Variants in CDKL4 observed in about 807,000 individuals in gnomAD.
CDKL4 encodes the protein cyclin dependent kinase like 4, also known as cyclin-dependent kinase-like 4.
Under a neutral mutation model 42.0 loss-of-function variants are expected in CDKL4, and 44 were observed. The observed-to-expected ratio is 1.05, with a 90% confidence interval of 0.82 to 1.35. CDKL4 has a LOEUF of 1.35. Ranked by LOEUF, CDKL4 falls within the 40% of genes most tolerant of loss-of-function variation. The pLI is 0.00. For missense variants in CDKL4, 393 were observed against 369.9 expected (o/e 1.06, Z -0.51); for synonymous variants, 120 against 121.6 (o/e 0.99, Z 0.09).
chr2:39,228,641 C>T (rs894123353), intron 2 of CDKL4, among the ~76,000 whole-genome samples: 2 of 152,142 alleles, frequency 1.3e-5, no homozygotes, highest in Non-Finnish European at 2.9e-5. Context: ...GACCTCCCAA[C>T]TCAGAATCTG....
intron 5 of CDKL4, among the ~76,000 whole-genome samples, chr2:39,194,488 C>T (rs569140942): frequency 1.4e-4 from 21 of 152,188 alleles, no homozygotes; most frequent in Admixed American, 1.2e-3. Context: ...CAAACACACA[C>T]ACAAACAAAC....
rs1011188711 is a variant in CDKL4, at chr2:39,190,428, G to T, written c.529C>A (p.Gln177Lys). 6.2e-7 allele frequency: 1 copy of T among 1,613,950 alleles called. No homozygotes were observed. Among genetic ancestry groups the T allele is most frequent in the Non-Finnish European group, 8.5e-7 (1 of 1,180,018 alleles). Residue 177 changes from glutamine (Q) to lysine (K), a missense_variant, in exon 6 of 10, where the codon CAG becomes AAG. Physicochemically the swap from Gln to Lys is moderately conservative, Grantham distance 53. Transcript: ENST00000451199. ...CATATATCGACTGAAGAACCATACT[G>T]AGTATCTCCCACAAGAAGTTCAGGA...
rs375153535 is a variant in CDKL4, at chr2:39,187,748, C to T, written c.653-39G>A. The T allele has an allele frequency of 7.4e-5, 106 of 1,437,290 alleles. No individual in the cohort carries two copies. The African/African-American group carries it at 1.3e-3, about 18-fold the overall frequency. 89.0% of individuals were successfully genotyped at this position (1,437,290 alleles called of 1,614,324 possible). ...ACCACATAATTCATCATAAATTTGG[C>T]AAAGAATAATCAAGTGTTTAAATGG... On this transcript the variant is annotated intron_variant, in intron 6 of 9. Coordinates refer to ENST00000451199, the Ensembl canonical transcript of CDKL4.
rs141536525 is a variant in CDKL4 at position 39,228,825 on chromosome 2, C to T, written c.168+540G>A. Among the ~76,000 whole-genome samples the T allele has an allele frequency of 4.0e-3, 616 of 152,140 alleles. 4 individuals carry two copies. The highest frequency in any genetic ancestry group is 4.8e-3 in the Non-Finnish European group (329 of 68,006). On this transcript the variant is annotated intron_variant, in intron 2 of 9. Transcript: ENST00000451199. Reference sequence around the variant, plus strand: ...CGTAAGAAAAAATTTACATTGAGAACTTAGGAATCTTACATGTCAAATCTT... The same window carrying T: ...CGTAAGAAAAAATTTACATTGAGAATTTAGGAATCTTACATGTCAAATCTT...
Position 39,188,885 on chromosome 2 carries a change from T to C in CDKL4, c.653-1176A>G, listed in dbSNP as rs75921683. On this transcript the variant is annotated intron_variant, in intron 6 of 9. Coordinates refer to ENST00000451199, the Ensembl canonical transcript of CDKL4. The stretch of plus-strand genomic sequence containing the variant: ...TTAAAAATTTTTTGCAGATATGGGG[T>C]CTGCCTATGTTGCCCAGCCTGGAGT... 8.5e-3 allele frequency among the ~76,000 whole-genome samples: 1,301 copies of C among 152,226 alleles called. 21 individuals carry two copies. Among genetic ancestry groups the C allele is most frequent in the African/African-American group, 0.03 (1,250 of 41,548 alleles).
chr2:39,184,590 C>G lies in CDKL4; in HGVS notation c.792+1G>C. On this transcript the variant is annotated splice_donor_variant, in intron 8 of 9. Coordinates refer to ENST00000451199, the Ensembl canonical transcript of CDKL4. LOFTEE classifies it high-confidence loss of function. ...AAGAGTTATAATTGATTCTTAAGTA[C>G]CTTCATGAAGTTCAGAGCCACAGGA... is the stretch of plus-strand genomic sequence containing the variant. 3 of 1,606,724 alleles carry G rather than the reference C, an allele frequency of 1.9e-6. No homozygotes were observed. Among genetic ancestry groups the G allele is most frequent in the Non-Finnish European group, 1.7e-6 (2 of 1,174,608 alleles).
At chr2:39,226,457 TATATATATTATATATATATA>T (rs1678741027) in intron 2 of CDKL4, among the ~76,000 whole-genome samples, 1 of 133,468 alleles carries the variant, frequency 7.5e-6, no homozygotes, top group African/African-American at 2.6e-5. Context: ...ATATATATAT[TATATATATTATATATATATA>T]ATATATATTA....
intron 4 of CDKL4, among the ~76,000 whole-genome samples, chr2:39,206,831 A>G (rs1677229065): frequency 6.6e-6 from 1 of 152,194 alleles, no homozygotes; most frequent in Admixed American, 6.5e-5. Flanking sequence ...CTCCTTTTCT[A>G]CTATGCTGTC....
intron 8 of CDKL4, among the ~76,000 whole-genome samples, chr2:39,179,704 C>T (rs1286365178): frequency 2.0e-5 from 3 of 152,182 alleles, no homozygotes; most frequent in Admixed American, 2.0e-4. Context: ...CTATACCCCG[C>T]CTGCCAAAGG....
At chr2:39,204,330 A>G (rs1331999065) in intron 5 of CDKL4, among the ~76,000 whole-genome samples, 197 bp downstream of exon 5, 1 of 152,260 alleles carries the variant, frequency 6.6e-6, no homozygotes, top group Non-Finnish European at 1.5e-5. Flanking sequence ...GAAAGGTGAC[A>G]TCTGATAAAT....
intron 1 of CDKL4, among the ~76,000 whole-genome samples, chr2:39,234,693 A>C (rs1679271427): frequency 6.6e-6 from 1 of 152,136 alleles, no homozygotes; most frequent in Admixed American, 6.5e-5. Context: ...TAAAGAGAAT[A>C]CTCTCTGAGC....
At chr2:39,219,584 C>T (rs769103984) in intron 3 of CDKL4, among the ~76,000 whole-genome samples, 4 of 152,010 alleles carry the variant, frequency 2.6e-5, no homozygotes, top group Non-Finnish European at 5.9e-5. Context: ...CCACACCTGG[C>T]TAATTTTTTG....
At chr2:39,172,785 T>G (rs1394680227), downstream of CDKL4, among the ~76,000 whole-genome samples, 1 of 152,156 alleles carries the variant, frequency 6.6e-6, no homozygotes, top group Non-Finnish European at 1.5e-5. Context: ...TTTTACCATG[T>G]TGGCCAGACC....
At position 39,190,285 on chromosome 2, in the gene CDKL4, C is replaced by A; in HGVS notation, c.652+20G>T. ...CTATAACAATTCAGCAACTCTGTTG[C>A]CATAAAATGCAATTCATACCTAGTG... On this transcript the variant is annotated intron_variant, in intron 6 of 9. Transcript: ENST00000451199. The A allele has an allele frequency of 6.3e-7, 1 of 1,589,984 alleles. No individual in the cohort carries two copies. Among genetic ancestry groups the A allele is most frequent in the Non-Finnish European group, 8.6e-7 (1 of 1,158,830 alleles).
intron 5 of CDKL4, among the ~76,000 whole-genome samples, chr2:39,202,854 A>G (rs1368940048): frequency 1.3e-5 from 2 of 152,232 alleles, no homozygotes; most frequent in Non-Finnish European, 2.9e-5. Flanking sequence ...ATGGCCAACA[A>G]TGACCCCAGC....
At chr2:39,202,305 A>G (rs574603845) in intron 5 of CDKL4, among the ~76,000 whole-genome samples, 1 of 152,230 alleles carries the variant, frequency 6.6e-6, no homozygotes, top group Non-Finnish European at 1.5e-5. Context: ...CAAGTAACCA[A>G]ACACCACCTG....
intron 8 of CDKL4, among the ~76,000 whole-genome samples, chr2:39,181,895 C>T (rs1317602241): frequency 1.3e-5 from 2 of 152,196 alleles, no homozygotes; most frequent in Non-Finnish European, 2.9e-5. Context: ...ACCCTTGCCA[C>T]CTCTTCTACT....
At chr2:39,193,356 A>AATTATTATTATT (rs79269841) in intron 5 of CDKL4, among the ~76,000 whole-genome samples, 7 of 148,018 alleles carry the variant, frequency 4.7e-5, no homozygotes, top group East Asian at 2.0e-4. Flanking sequence ...TCATTTATAA[A>AATTATTATTATT]ATTATTATTA....
intron 6 of CDKL4, 74 bp from the exon 7 acceptor site, chr2:39,187,783 G>GGCCTTCAGGCATT: frequency 5.3e-6 from 5 of 943,766 alleles, no homozygotes; most frequent in Non-Finnish European, 8.3e-6. Flanking sequence ...GTTAATGCCT[G>GGCCTTCAGGCATT]AAGGCCAGGC....
Sources: gnomAD v4.1 joint callset for allele counts (sites outside exome capture counted in the v4.1 genomes callset) on GRCh38, gnomAD v4.1.1 for gene constraint, MANE v1.5 for transcripts, NCBI Gene and HGNC (gene_info 2026-07-23, HGNC 2026-07-21) for gene names.